Variants in FAM83F observed in about 807,000 individuals in gnomAD.
The protein encoded by FAM83F is scaffolding CK1 anchoring protein F.
FAM83F carries 45 observed loss-of-function variants against 42.9 expected under a neutral mutation model. That is an observed-to-expected ratio of 1.05 (90% CI 0.83 to 1.35). The LOEUF is 1.35. Ranked by LOEUF, FAM83F falls within the 40% of genes most tolerant of loss-of-function variation. The pLI is 0.00. For missense variants in FAM83F, 617 were observed against 695.9 expected (o/e 0.89, Z 1.28); for synonymous variants, 306 against 298.3 (o/e 1.03, Z -0.27).
intron 1 of FAM83F, among the ~76,000 whole-genome samples, chr22:39,996,801 C>T (rs2067375335): frequency 6.6e-6 from 1 of 152,150 alleles, no homozygotes; most frequent in African/African-American, 2.4e-5. Flanking sequence ...ACATTTCTAC[C>T]CTCCCTCTCT....
chr22:40,038,824 C>A lies in FAM83F; in HGVS notation c.*9259C>A, dbSNP rs2067639063. The stretch of plus-strand genomic sequence containing the variant: ...GGTCCCTGGACAGGAACCAGCCTTC[C>A]CTATGCACCTGCACCCGTGAGTCTC... On this transcript the variant is annotated 3_prime_UTR_variant, in exon 5 of 5. Coordinates refer to ENST00000333407, the MANE Select transcript of FAM83F (RefSeq NM_138435.4). 1 of 152,274 alleles carries A rather than the reference C, an allele frequency of 6.6e-6. No individual in the cohort carries two copies. The highest frequency in any genetic ancestry group is 2.4e-5 in the African/African-American group (1 of 41,444). The allele number at this position is 152,274 out of a possible 1,614,324, so 9.4% of individuals were successfully genotyped here. A position where few individuals can be genotyped will look rare whatever the true frequency, so the allele number is the denominator to read the frequency against.
At chr22:40,006,056 A>C (rs2067426420) in intron 1 of FAM83F, among the ~76,000 whole-genome samples, 1 of 152,158 alleles carries the variant, frequency 6.6e-6, no homozygotes, top group Non-Finnish European at 1.5e-5. Flanking sequence ...CCTGGCCAAC[A>C]TGGCGAAGCC....
At chr22:39,998,142 G>A (rs1877221333) in intron 1 of FAM83F, among the ~76,000 whole-genome samples, 1 of 152,098 alleles carries the variant, frequency 6.6e-6, no homozygotes, top group Admixed American at 6.5e-5. Context: ...CATTAACTTA[G>A]ATCCTTCCTC....
rs750330123 is a variant in FAM83F, at chr22:39,995,333, G to C, written c.291G>C (p.Ala97=). 15 of 1,539,830 alleles carry C rather than the reference G, an allele frequency of 9.7e-6. No homozygotes were observed. Among genetic ancestry groups the C allele is most frequent in the Non-Finnish European group, 3.5e-6 (4 of 1,146,008 alleles). The change falls in exon 1 of 5, where the codon GCG becomes GCC. Residue 97 remains alanine, a synonymous_variant. Coordinates refer to ENST00000333407, the MANE Select transcript of FAM83F (RefSeq NM_138435.4). The surrounding 1 kb of genome is among the most constrained non-coding windows in gnomAD (Gnocchi z 4.6). ...SKAKAKAPAP[A]PAESGESLAY... ...CCAAGGCCAAGGCCCCCGCGCCGGC[G>C]CCGGCTGAGTCCGGCGAGTCCCTGG...
chr22:40,028,133 C>T (rs570255413), intron 4 of FAM83F, among the ~76,000 whole-genome samples: 4 of 152,220 alleles, frequency 2.6e-5, no homozygotes, highest in Non-Finnish European at 5.9e-5. Context: ...AGCGCCTTGG[C>T]CATGGAGCCC....
At chr22:40,009,500 C>T (rs1225585925) in intron 1 of FAM83F, among the ~76,000 whole-genome samples, 2 of 152,210 alleles carry the variant, frequency 1.3e-5, no homozygotes, top group Non-Finnish European at 1.5e-5. Context: ...AGTTAGGAAG[C>T]TCATCAAAGC....
intron 1 of FAM83F, among the ~76,000 whole-genome samples, chr22:40,015,467 G>A (rs991688117): frequency 6.6e-6 from 1 of 152,166 alleles, no homozygotes; most frequent in Non-Finnish European, 1.5e-5. Flanking sequence ...CTTTGTTTGT[G>A]CTGTGCCCTT....
intron 1 of FAM83F, among the ~76,000 whole-genome samples, chr22:40,005,246 G>C (rs1309198868): frequency 3.3e-5 from 5 of 152,228 alleles, no homozygotes; most frequent in Non-Finnish European, 7.3e-5. Context: ...CCATGTACTT[G>C]AGAGCTCAAG....
chr22:40,035,051 A>G lies in FAM83F; in HGVS notation c.*5486A>G, dbSNP rs2067613749. On this transcript the variant is annotated 3_prime_UTR_variant, in exon 5 of 5. Coordinates refer to ENST00000333407, the MANE Select transcript of FAM83F (RefSeq NM_138435.4). ...AGAAAGGAGGGCCCAAGGTGAGGAA[A>G]TTTGTCCAAAGTCACCCAATGAGTC... 6.6e-6 allele frequency: 1 copy of G among 152,184 alleles called. No homozygotes were observed. The allele number at this position is 152,184 out of a possible 1,614,324, so 9.4% of individuals were successfully genotyped here.
At chr22:40,011,320 G>A (rs2067462301) in intron 1 of FAM83F, among the ~76,000 whole-genome samples, 1 of 152,194 alleles carries the variant, frequency 6.6e-6, no homozygotes, top group East Asian at 1.9e-4. Flanking sequence ...GCCTCCCTGG[G>A]ATTACAGGTG....
At position 39,995,521 on chromosome 22, in the gene FAM83F, A is replaced by C. The variant is rs758846476; in HGVS notation, c.479A>C (p.Gln160Pro). The C allele has an allele frequency of 6.4e-7, 1 of 1,564,228 alleles. No individual in the cohort carries two copies. Among genetic ancestry groups the C allele is most frequent in the Non-Finnish European group, 8.7e-7 (1 of 1,152,654 alleles). Residue 160 changes from glutamine to proline, a missense_variant, in exon 1 of 5, where the codon CAG becomes CCG. Transcript: ENST00000333407. This position sits in a 1 kb window ranked among gnomAD's most constrained non-coding sequence, Gnocchi z 4.6. ...LKQVVRQMIQ[Q>P]AQKVIAVVMD... ...CAGGTGGTCAGGCAGATGATCCAAC[A>C]GGCCCAGAAGGTAGGCCCCCGCCTT...
intron 1 of FAM83F, among the ~76,000 whole-genome samples, chr22:39,996,660 G>A (rs996454646): frequency 6.6e-6 from 1 of 152,166 alleles, no homozygotes. Flanking sequence ...AGAGGCCTGA[G>A]GAGGGAAAAT....
chr22:40,007,105 A>G (rs1406649839), intron 1 of FAM83F, among the ~76,000 whole-genome samples: 6 of 151,688 alleles, frequency 4.0e-5, no homozygotes, highest in African/African-American at 9.7e-5. Context: ...ACTGCAGTAC[A>G]CTTCCGTACT....
At chr22:40,025,697 C>T (rs1406370402) in intron 4 of FAM83F, among the ~76,000 whole-genome samples, 1 of 151,924 alleles carries the variant, frequency 6.6e-6, no homozygotes, top group African/African-American at 2.4e-5. Context: ...AGCGAGACTC[C>T]ATCTCAAAAT....
chr22:40,029,016 A>G (rs536854117), intron 4 of FAM83F, among the ~76,000 whole-genome samples: 3 of 151,300 alleles, frequency 2.0e-5, no homozygotes, highest in Admixed American at 6.6e-5. Context: ...GAAGGACCGC[A>G]GTCTTACTTT....
chr22:40,016,953 T>G (rs1028081840), intron 1 of FAM83F, among the ~76,000 whole-genome samples: 2 of 151,974 alleles, frequency 1.3e-5, no homozygotes, highest in Non-Finnish European at 2.9e-5. Context: ...CTTGAGACAC[T>G]GTATCTGGCT....
In FAM83F at chr22:40,021,574, C is replaced by T. The variant is rs761893807; in HGVS notation, c.1064C>T (p.Pro355Leu). 17 of 1,568,630 alleles carry T rather than the reference C, an allele frequency of 1.1e-5. No homozygotes were observed. The highest frequency in any genetic ancestry group is 4.5e-5 in the East Asian group (2 of 44,202). Residue 355 changes from proline (P) to leucine (L), a missense_variant, in exon 4 of 5, where the codon CCG (proline) becomes CTG (leucine). Transcript: ENST00000333407. This position sits in a 1 kb window ranked among gnomAD's most constrained non-coding sequence, Gnocchi z 8.7. ...CAACAGCGGGAGGCGGGCGGCAACC[C>T]GGAGGGGCAGGAGGAGGGCGCCAGC... ...ARQQREAGGNPEGQEEGASGG... is the reference protein window; with the variant it reads ...ARQQREAGGNLEGQEEGASGG...
intron 1 of FAM83F, among the ~76,000 whole-genome samples, chr22:40,014,592 T>G (rs1317254382): frequency 1.3e-5 from 2 of 152,230 alleles, no homozygotes; most frequent in African/African-American, 2.4e-5. Flanking sequence ...CTTAATATTC[T>G]TTTTTACCAT....
intron 1 of FAM83F, among the ~76,000 whole-genome samples, chr22:39,997,163 G>T (rs1376848686): frequency 6.6e-6 from 1 of 152,220 alleles, no homozygotes; most frequent in African/African-American, 2.4e-5. Flanking sequence ...AAACTCCAAA[G>T]CCCTTGCTCT....
Sources: gnomAD v4.1 joint callset for allele counts (sites outside exome capture counted in the v4.1 genomes callset) on GRCh38, gnomAD v4.1.1 for gene constraint, Gnocchi (gnomAD v3.1) non-coding constraint, MANE v1.5 for transcripts, NCBI Gene and HGNC (gene_info 2026-07-23, HGNC 2026-07-21) for gene names.